The following CHD5 variants were observed in gnomAD, a reference collection of about 807,000 sequenced individuals.
The protein encoded by CHD5 is ATP-dependent chromatin remodeler CHD5.
Under a neutral mutation model 230.3 loss-of-function variants are expected in CHD5, and 69 were observed. The observed-to-expected ratio is 0.30, with a 90% CI of 0.25 to 0.37. CHD5 has a LOEUF of 0.37. Ranked by LOEUF, CHD5 falls within the 10% of genes least tolerant of loss-of-function variation. The pLI, the probability that CHD5 is intolerant of heterozygous loss-of-function variation, is 1.00. For missense variants in CHD5, 1,827 were observed against 2,622.8 expected (o/e 0.70, Z 6.63); for synonymous variants, 1,064 against 1,065.9 (o/e 1.00, Z 0.03).
intron 2 of CHD5, among the ~76,000 whole-genome samples, chr1:6,165,584 G>T (rs575424264): frequency 6.6e-6 from 1 of 152,122 alleles, no homozygotes; most frequent in South Asian, 2.1e-4. Context: ...GAGGAGTGAG[G>T]GCGGGGATGG....
At position 6,136,648 on chromosome 1, in the gene CHD5, G is replaced by A; in HGVS notation, c.2575-10C>T. On this transcript the variant is annotated splice_polypyrimidine_tract_variant and intron_variant, in intron 16 of 41. Coordinates refer to ENST00000262450, the MANE Select transcript of CHD5 (RefSeq NM_015557.3). ...TTAAGACCCTAAAAAACTGAGGGGAGGAGAGTGGGGCCTGTCAGGGGGCTC... is the reference window on the plus strand; with the variant it reads ...TTAAGACCCTAAAAAACTGAGGGGAAGAGAGTGGGGCCTGTCAGGGGGCTC... The A allele has an allele frequency of 6.2e-7, 1 of 1,614,050 alleles. No individual in the cohort carries two copies. Among genetic ancestry groups the A allele is most frequent in the Non-Finnish European group, 8.5e-7 (1 of 1,179,996 alleles).
intron 2 of CHD5, among the ~76,000 whole-genome samples, chr1:6,159,874 T>C (rs1425847726): frequency 6.6e-6 from 1 of 152,270 alleles, no homozygotes; most frequent in Admixed American, 6.5e-5. Flanking sequence ...CAGTCATCAT[T>C]GGGCTTCTAT....
chr1:6,180,281 G>C lies in CHD5; in HGVS notation c.-258C>G, dbSNP rs1187087999. On this transcript the variant is annotated 5_prime_UTR_variant, in exon 1 of 42. Transcript: ENST00000262450. ...GCCCCGCAGCCCGAGTCCCGCAGCC[G>C]GCCGAGGGTGGCGGCGGCAGCGCCA... is the stretch of plus-strand genomic sequence containing the variant. 6.6e-6 allele frequency among the ~76,000 whole-genome samples: 1 copy of C among 151,080 alleles called. No individual in the cohort carries two copies.
intron 38 of CHD5, among the ~76,000 whole-genome samples, chr1:6,107,659 A>C (rs1439660503): frequency 1.1e-5 from 1 of 94,008 alleles, no homozygotes; most frequent in African/African-American, 4.3e-5. Context: ...GATGATGGAA[A>C]AATGAAGGGA....
In CHD5 at chr1:6,105,221, C is replaced by T. The variant is rs929195969; in HGVS notation, c.*253G>A. On this transcript the variant is annotated 3_prime_UTR_variant, in exon 42 of 42. Transcript: ENST00000262450. The surrounding 1 kb of genome is among the most constrained non-coding windows in gnomAD (Gnocchi z 4.8). Reference sequence around the variant, plus strand: ...AAAGGTGGCGAGGGGGCACGTCCGGCGTGGTTGTGGGGGCAACGCTGTGTG... The same window carrying T: ...AAAGGTGGCGAGGGGGCACGTCCGGTGTGGTTGTGGGGGCAACGCTGTGTG... 2.6e-5 allele frequency: 9 copies of T among 350,860 alleles called. No homozygotes were observed. The highest frequency in any genetic ancestry group is 4.4e-5 in the South Asian group (2 of 45,436). 21.7% of individuals were successfully genotyped at this position (350,860 alleles called of 1,614,324 possible).
chr1:6,125,202 G>T lies in CHD5; in HGVS notation c.4292C>A (p.Ala1431Asp). ...CCAGCGCATGATGGCGTTCAGAAAG[G>T]CCTTCCGCTGTCGGGCATTGAAGCC... is the stretch of plus-strand genomic sequence containing the variant. ...VLGFNARQRK[A>D]FLNAIMRWGM... The change falls in exon 29 of 42, where the codon GCC becomes GAC. Residue 1431 changes from alanine (A) to aspartate (D), a missense_variant. By Grantham distance (126) the Ala-to-Asp change is moderately radical. This residue lies in a region of CHD5 where 137 missense variants were observed against 272.7 expected (regional missense o/e 0.50). Coordinates refer to ENST00000262450, the MANE Select transcript of CHD5 (RefSeq NM_015557.3). The surrounding 1 kb of genome is among the most constrained non-coding windows in gnomAD (Gnocchi z 6.7). 2 of 1,606,426 alleles carry T rather than the reference G, an allele frequency of 1.2e-6. No individual in the cohort carries two copies.
At chr1:6,152,309 T>C in intron 6 of CHD5, 103 bp downstream of exon 6, 4 of 1,350,672 alleles carry the variant, frequency 3.0e-6, no homozygotes, top group Non-Finnish European at 4.1e-6. Context: ...CTGCCCCAGC[T>C]AGTTTGTAAT....
Position 6,146,098 on chromosome 1 carries a change from G to A in CHD5, c.1802+114C>T, listed in dbSNP as rs548872909. The A allele has an allele frequency of 9.7e-5, 98 of 1,010,940 alleles. 1 individual carries two copies. Among genetic ancestry groups the A allele is most frequent in the Middle Eastern group, 3.2e-4 (1 of 3,144 alleles). The allele number at this position is 1,010,940 out of a possible 1,614,324, so 62.6% of individuals were successfully genotyped here. A position where few individuals can be genotyped will look rare whatever the true frequency, so the allele number is the denominator to read the frequency against. On this transcript the variant is annotated intron_variant, in intron 11 of 41. Coordinates refer to ENST00000262450, the MANE Select transcript of CHD5 (RefSeq NM_015557.3). This position sits in a 1 kb window ranked among gnomAD's most constrained non-coding sequence, Gnocchi z 5.1. Reference sequence around the variant, plus strand: ...GCTGTGCCCACATGTGGTTCTGCACGGCAGCCCCAAAGCAAGGGCCCTGGC... The same window carrying A: ...GCTGTGCCCACATGTGGTTCTGCACAGCAGCCCCAAAGCAAGGGCCCTGGC...
intron 36 of CHD5, 65 bp downstream of exon 36, chr1:6,111,710 G>T (rs1666293419): frequency 1.6e-6 from 2 of 1,271,688 alleles, no homozygotes; most frequent in African/African-American, 1.5e-5. Context: ...GCTCTCAGAG[G>T]GCTCTCCCCG....
Position 6,128,484 on chromosome 1 carries a change from TG to T in CHD5, c.3730+14del, listed in dbSNP as rs766091984. Reference sequence around the variant, plus strand: ...GTCGGAGGAGGAGCTGAGGCTGGGCTGGGTTGGCCCCTACCTGGCGGGGTGC... The same window carrying T: ...GTCGGAGGAGGAGCTGAGGCTGGGCTGGTTGGCCCCTACCTGGCGGGGTGC... On this transcript the variant is annotated intron_variant, in intron 24 of 41. Transcript: ENST00000262450. This position sits in a 1 kb window ranked among gnomAD's most constrained non-coding sequence, Gnocchi z 7.8. The T allele has an allele frequency of 6.3e-7, 1 of 1,594,642 alleles. No homozygotes were observed. The highest frequency in any genetic ancestry group is 8.6e-7 in the Non-Finnish European group (1 of 1,162,780).
intron 1 of CHD5, among the ~76,000 whole-genome samples, chr1:6,172,388 G>C (rs932472327): frequency 1.3e-5 from 2 of 151,974 alleles, no homozygotes; most frequent in African/African-American, 4.8e-5. Flanking sequence ...GCAGTGTTAT[G>C]ATCATGGCTC....
intron 39 of CHD5, 52 bp from the exon 40 acceptor site, chr1:6,106,561 T>C (rs1666171305): frequency 6.5e-7 from 1 of 1,550,362 alleles, no homozygotes; most frequent in South Asian, 1.2e-5. Context: ...CCACCCAGCC[T>C]CCACCCAGGG....
intron 36 of CHD5, 75 bp from the exon 37 acceptor site, chr1:6,110,601 G>T (rs963075579): frequency 2.0e-6 from 3 of 1,482,634 alleles, no homozygotes; most frequent in Non-Finnish European, 2.8e-6. Flanking sequence ...GCTCAGGGAG[G>T]GGGAGGGGCC....
chr1:6,159,167 G>A (rs1055298631), intron 3 of CHD5, among the ~76,000 whole-genome samples, 169 bp downstream of exon 3: 2 of 151,750 alleles, frequency 1.3e-5, no homozygotes, highest in African/African-American at 4.8e-5. Flanking sequence ...CCTGGGAGGC[G>A]GTTGCAGTGA....
At chr1:6,113,193 G>C (rs1666320703) in intron 33 of CHD5, 195 bp from the exon 34 acceptor site, 1 of 570,540 alleles carries the variant, frequency 1.8e-6, no homozygotes, top group Non-Finnish European at 3.1e-6. Context: ...GGAGGCCGAG[G>C]CAGGAGGATC....
At chr1:6,171,272 G>A (rs539182819) in intron 1 of CHD5, among the ~76,000 whole-genome samples, 11 of 152,302 alleles carry the variant, frequency 7.2e-5, no homozygotes, top group East Asian at 1.9e-4. Flanking sequence ...ACAGGCCTTC[G>A]AGGACAAGGC....
Position 6,159,393 on chromosome 1 carries a change from T to C in CHD5, c.330A>G (p.Lys110=). The change falls in exon 3 of 42, where the codon AAA becomes AAG. Residue 110 remains lysine (K), a synonymous_variant. Transcript: ENST00000262450. ...KKKLKDKKEK[K]AKRKKKDEDE... is the part of the protein sequence containing the mutation. Reference sequence around the variant, plus strand: ...CCTCATCCTTCTTTTTTCGCTTGGCTTTTTTCTCCTTCTTGTCCTTGAGTT... The same window carrying C: ...CCTCATCCTTCTTTTTTCGCTTGGCCTTTTTCTCCTTCTTGTCCTTGAGTT... 6.4e-7 allele frequency: 1 copy of C among 1,553,554 alleles called. No individual in the cohort carries two copies. The highest frequency in any genetic ancestry group is 1.2e-5 in the South Asian group (1 of 84,346).
chr1:6,124,987 G>T, intron 29 of CHD5, 113 bp downstream of exon 29: 1 of 1,170,318 alleles, frequency 8.5e-7, no homozygotes, highest in Non-Finnish European at 1.2e-6. Flanking sequence ...GAACTTTCCA[G>T]ACGGCCTCAT....
Position 6,139,623 on chromosome 1 carries a change from G to A in CHD5, c.2436+2505C>T, listed in dbSNP as rs553110323. Among the ~76,000 whole-genome samples the A allele has an allele frequency of 7.3e-5, 11 of 150,428 alleles. No individual in the cohort carries two copies. In the South Asian group the frequency reaches 1.7e-3, roughly 23 times the overall value. On this transcript the variant is annotated intron_variant, in intron 15 of 41. Coordinates refer to ENST00000262450, the MANE Select transcript of CHD5 (RefSeq NM_015557.3). ...AGCTATTCACAGACACAATCATGGC[G>A]CACTACAGCCTCGAACTCCTGGGCT...
Sources: gnomAD v4.1 joint callset for allele counts (sites outside exome capture counted in the v4.1 genomes callset) on GRCh38, gnomAD v4.1.1 for gene constraint, gnomAD v4.1.1 regional missense constraint, Gnocchi (gnomAD v3.1) non-coding constraint, MANE v1.5 for transcripts, NCBI Gene and HGNC (gene_info 2026-07-23, HGNC 2026-07-21) for gene names.